The following ZNF599 variants were observed in gnomAD, a reference collection of about 807,000 sequenced individuals.
The protein encoded by ZNF599 is zinc finger protein 599.
In ZNF599, 10 loss-of-function variants were observed where a neutral mutation model predicts 11.7. The ratio of observed to expected loss-of-function variants is 0.86; its 90% confidence interval spans 0.53 to 1.45. The LOEUF (loss-of-function observed/expected upper bound fraction) is 1.45. Among genes scored for constraint, ZNF599 ranks in the 40% most tolerant of loss-of-function variants. The probability of loss-of-function intolerance (pLI) is 0.00; values close to 1 mark genes in which losing one functional copy is unlikely to be tolerated. For synonymous variants in ZNF599, 232 were observed against 253.2 expected, an observed-to-expected ratio of 0.92 and a Z score of 0.79; for missense variants, 688 against 713.6, an observed-to-expected ratio of 0.96 and a Z score of 0.41.
rs1200000420 is a variant in ZNF599 at position 34,760,551 on chromosome 19, C to T, written c.250G>A (p.Ala84Thr). 2 of 1,593,522 alleles carry T rather than the reference C, an allele frequency of 1.3e-6. No individual in the cohort carries two copies. The highest frequency in any genetic ancestry group is 1.7e-4 in the Middle Eastern group (1 of 5,870). Residue 84 changes from alanine (A) to threonine (T), a missense_variant, in exon 4 of 4, where the codon GCA becomes ACA. By Grantham distance (58) the Ala-to-Thr change is moderately conservative. Transcript: ENST00000329285. ...GTAGGCTCTGTAATCTTGGGTTTTG[C>T]TTTTTCACCTGAAGGAAATCCAATA... is the stretch of plus-strand genomic sequence containing the variant. ...LSQSTCAGEK[A>T]KPKITEPTAS...
At chr19:34,765,713 T>C (rs1480171240) in intron 3 of ZNF599, 4 of 701,790 alleles carry the variant, frequency 5.7e-6, no homozygotes, top group Non-Finnish European at 7.8e-6. Flanking sequence ...GTAGGCTTTA[T>C]TCATAAAGTA....
At chr19:34,804,573 C>G in the ZNF599 span, among the ~76,000 whole-genome samples, 3 of 152,358 alleles carry the variant, frequency 2.0e-5, no homozygotes, top group Middle Eastern at 6.8e-3. Flanking sequence ...CTGGATGTCT[C>G]TATTCTGAAT....
At position 34,773,094 on chromosome 19, in the gene ZNF599, T is replaced by C. The variant is rs2145468264; in HGVS notation, c.-253A>G. 1 of 485,842 alleles carries C rather than the reference T, an allele frequency of 2.1e-6. No homozygotes were observed. The highest frequency in any genetic ancestry group is 2.0e-5 in the African/African-American group (1 of 49,068). The allele number at this position is 485,842 out of a possible 1,614,324, so 30.1% of individuals were successfully genotyped here. A position where few individuals can be genotyped will look rare whatever the true frequency, so the allele number is the denominator to read the frequency against. ...GACATAAAAGCGTGTAAGTGGGTCC[T>C]ATCCTCCTCACTGTCCGTCTCTACT... On this transcript the variant is annotated 5_prime_UTR_variant, in exon 1 of 4. The change creates a new upstream start codon in the 5' untranslated region. Transcript: ENST00000329285.
At chr19:34,762,373 T>C (rs1391534898) in intron 3 of ZNF599, among the ~76,000 whole-genome samples, 1 of 152,144 alleles carries the variant, frequency 6.6e-6, no homozygotes, top group Non-Finnish European at 1.5e-5. Context: ...TATGAAATCA[T>C]TCAGATAAGG....
chr19:34,771,560 C>G (rs961745521), intron 1 of ZNF599, among the ~76,000 whole-genome samples: 7 of 152,158 alleles, frequency 4.6e-5, no homozygotes, highest in Non-Finnish European at 8.8e-5. Flanking sequence ...CCAGGAGCAG[C>G]CTTGCAGAGA....
Position 34,772,935 on chromosome 19 carries a change from G to A in ZNF599, c.-94C>T, listed in dbSNP as rs1298988494. 3.7e-6 allele frequency: 5 copies of A among 1,333,684 alleles called. No individual in the cohort carries two copies. Among genetic ancestry groups the A allele is most frequent in the Admixed American group, 3.4e-5 (1 of 29,346 alleles). The allele number at this position is 1,333,684 out of a possible 1,614,324, so 82.6% of individuals were successfully genotyped here. A position where few individuals can be genotyped will look rare whatever the true frequency, so the allele number is the denominator to read the frequency against. Reference sequence around the variant, plus strand: ...CGGGCTCCGGCTCTGGGCTGCGAGGGACCTCAGTCCCCGCCGTCGTGTAAA... The same window carrying A: ...CGGGCTCCGGCTCTGGGCTGCGAGGAACCTCAGTCCCCGCCGTCGTGTAAA... On this transcript the variant is annotated 5_prime_UTR_variant, in exon 1 of 4. Coordinates refer to ENST00000329285, the MANE Select transcript of ZNF599 (RefSeq NM_001007248.3).
intron 1 of ZNF599, chr19:34,772,378 A>T (rs2069188620): frequency 1.0e-6 from 1 of 997,654 alleles, no homozygotes; most frequent in African/African-American, 1.7e-5. Flanking sequence ...AGCTTTTGGT[A>T]GGGCCAGACT....
intron 1 of ZNF599, among the ~76,000 whole-genome samples, chr19:34,770,517 G>C (rs2069176641): frequency 1.3e-5 from 2 of 152,240 alleles, no homozygotes; most frequent in African/African-American, 4.8e-5. Flanking sequence ...GGGCTTGGGA[G>C]AGCTCAAACA....
chr19:34,800,883 C>T, the ZNF599 span, among the ~76,000 whole-genome samples: 1 of 152,190 alleles, frequency 6.6e-6, no homozygotes, highest in Non-Finnish European at 1.5e-5. Flanking sequence ...GCGTGAGACA[C>T]CATGCGCCTG....
intron 3 of ZNF599, among the ~76,000 whole-genome samples, chr19:34,761,872 C>A (rs904823829): frequency 9.9e-5 from 15 of 151,896 alleles, no homozygotes; most frequent in African/African-American, 3.6e-4. Context: ...ATTTCCAGAA[C>A]AAGATATAAA....
intron 3 of ZNF599, among the ~76,000 whole-genome samples, chr19:34,761,466 T>C (rs1254972636): frequency 6.6e-6 from 1 of 152,188 alleles, no homozygotes; most frequent in Non-Finnish European, 1.5e-5. Flanking sequence ...TAGAGATCAG[T>C]CAGCTGATAT....
rs1279411265 is a variant in ZNF599 at position 34,759,956 on chromosome 19, G to A, written c.845C>T (p.Pro282Leu). 2 of 1,614,152 alleles carry A rather than the reference G, an allele frequency of 1.2e-6. No homozygotes were observed. The highest frequency in any genetic ancestry group is 1.7e-5 in the Admixed American group (1 of 60,024). The part of the protein sequence containing the change: ...EHQRIHTGDK[P>L]YECKECGKAF... ...TTTGCCACATTCTTTGCACTCATAG[G>A]GCTTATCTCCGGTGTGAATACGCTG... The change falls in exon 4 of 4, where the codon CCC (proline) becomes CTC (leucine). Residue 282 changes from proline to leucine, a missense_variant. Coordinates refer to ENST00000329285, the MANE Select transcript of ZNF599 (RefSeq NM_001007248.3).
the ZNF599 span, among the ~76,000 whole-genome samples, chr19:34,778,379 A>G: frequency 2.6e-5 from 4 of 152,066 alleles, no homozygotes; most frequent in South Asian, 6.2e-4. Flanking sequence ...GAAAAAGGAT[A>G]TACTAAAGAT....
chr19:34,778,486 T>C, the ZNF599 span, among the ~76,000 whole-genome samples: 2 of 152,048 alleles, frequency 1.3e-5, no homozygotes, highest in Non-Finnish European at 2.9e-5. Context: ...TCTAGCAAAG[T>C]TTTATCAAGA....
At chr19:34,803,466 C>T in the ZNF599 span, among the ~76,000 whole-genome samples, 1 of 152,136 alleles carries the variant, frequency 6.6e-6, no homozygotes, top group Non-Finnish European at 1.5e-5. Context: ...TGGCCACTTC[C>T]TCAAAGGTCA....
Position 34,760,187 on chromosome 19 carries a change from C to T in ZNF599, c.614G>A (p.Gly205Glu). 2.5e-6 allele frequency: 4 copies of T among 1,614,194 alleles called. No homozygotes were observed. The highest frequency in any genetic ancestry group is 3.4e-6 in the Non-Finnish European group (4 of 1,180,026). Residue 205 changes from glycine to glutamate, a missense_variant, in exon 4 of 4, where the codon GGG (glycine) becomes GAG (glutamate). Coordinates refer to ENST00000329285, the MANE Select transcript of ZNF599 (RefSeq NM_001007248.3). ...RNNPYTCTEC[G>E]KGFSKKWALV... The stretch of plus-strand genomic sequence containing the variant: ...GGCCCACTTCTTGCTAAACCCTTTC[C>T]CACATTCCGTGCATGTGTAAGGGTT...
the ZNF599 span, among the ~76,000 whole-genome samples, chr19:34,785,877 C>T: frequency 6.6e-6 from 1 of 152,154 alleles, no homozygotes; most frequent in African/African-American, 2.4e-5. Context: ...GAAACAGATA[C>T]AGGTCACAAC....
the ZNF599 span, among the ~76,000 whole-genome samples, chr19:34,787,401 T>A: frequency 9.2e-5 from 14 of 152,178 alleles, no homozygotes; most frequent in African/African-American, 3.4e-4. Flanking sequence ...CACTGAAAGT[T>A]TTACAAGATA....
chr19:34,785,237 C>A, the ZNF599 span, among the ~76,000 whole-genome samples: 1 of 152,222 alleles, frequency 6.6e-6, no homozygotes, highest in East Asian at 1.9e-4. Context: ...AAAATCTGGT[C>A]AGCTTGACTT....
Sources: gnomAD v4.1 joint callset for allele counts (sites outside exome capture counted in the v4.1 genomes callset) on GRCh38, gnomAD v4.1.1 for gene constraint, MANE v1.5 for transcripts, NCBI Gene and HGNC (gene_info 2026-07-23, HGNC 2026-07-21) for gene names.